SLC36A1: variants seen among roughly 807,000 people sequenced by gnomAD.
The protein encoded by SLC36A1 is proton-coupled amino acid transporter 1.
A neutral mutation model predicts 47.5 loss-of-function variants in SLC36A1; 30 were observed. The observed-to-expected ratio is 0.63, with a 90% CI of 0.47 to 0.86. The LOEUF (loss-of-function observed/expected upper bound fraction) is 0.86. SLC36A1 is among the 40% of genes least tolerant of loss of function. The pLI is 0.00. For synonymous variants in SLC36A1, 255 were observed against 249.7 expected, an observed-to-expected ratio of 1.02 and a Z score of -0.20; for missense variants, 517 against 606.0, an observed-to-expected ratio of 0.85 and a Z score of 1.54.
In SLC36A1 at chr5:151,488,929, G is replaced by A. The variant is rs2278373; in HGVS notation, c.*675G>A. The A allele has an allele frequency of 0.11, 16,562 of 152,212 alleles. 1,349 individuals are homozygous for A. Among genetic ancestry groups the A allele is most frequent in the East Asian group, 0.35 (1,791 of 5,172 alleles). The allele number at this position is 152,212 out of a possible 1,614,324, so 9.4% of individuals were successfully genotyped here. ...CTTTAGCTCTTAAAACATACGAAGT[G>A]TTGCCTAAACTGAAAATATTTATCT... On this transcript the variant is annotated 3_prime_UTR_variant, in exon 11 of 11. Transcript: ENST00000243389.
the SLC36A1 span, among the ~76,000 whole-genome samples, chr5:151,501,873 A>G: frequency 1.3e-5 from 2 of 148,234 alleles, no homozygotes; most frequent in Non-Finnish European, 2.9e-5. Context: ...AGTGGACCAT[A>G]GACCTAAATG....
the SLC36A1 span, among the ~76,000 whole-genome samples, chr5:151,409,495 T>C: frequency 1.3e-5 from 2 of 152,172 alleles, no homozygotes; most frequent in Non-Finnish European, 2.9e-5. Context: ...TCAACAGGCG[T>C]TTTGGTCTCC....
chr5:151,463,608 G>C lies in SLC36A1; in HGVS notation c.199G>C (p.Gly67Arg). The C allele has an allele frequency of 1.9e-6, 3 of 1,614,150 alleles. No individual in the cohort carries two copies. The highest frequency in any genetic ancestry group is 2.5e-6 in the Non-Finnish European group (3 of 1,180,034). ...AGGCAACATTGGCACAGGACTCCTG[G>C]GACTCCCTCTGGCGGTGAAAAATGC... ...LKGNIGTGLL[G>R]LPLAVKNAGI... The change falls in exon 3 of 11, where the codon GGA becomes CGA. Residue 67 changes from glycine (G) to arginine (R), a missense_variant. Transcript: ENST00000243389.
Position 151,488,293 on chromosome 5 carries a change from C to G in SLC36A1, c.*39C>G, listed in dbSNP as rs1364417163. ...TCTCTGCAGCTGCCTACCCCTGCCC[C>G]ATGTGTCCCCCGTTACCTGTCCTCA... On this transcript the variant is annotated 3_prime_UTR_variant, in exon 11 of 11. Coordinates refer to ENST00000243389, the MANE Select transcript of SLC36A1 (RefSeq NM_078483.4). The G allele has an allele frequency of 1.2e-6, 2 of 1,602,306 alleles. No homozygotes were observed. Among genetic ancestry groups the G allele is most frequent in the African/African-American group, 2.7e-5 (2 of 74,848 alleles).
chr5:151,448,813 A>T (rs189772027), intron 1 of SLC36A1, among the ~76,000 whole-genome samples: 1 of 152,146 alleles, frequency 6.6e-6, no homozygotes, highest in East Asian at 1.9e-4. Context: ...ACCTTAAGTG[A>T]CTCGCGTTTG....
At chr5:151,484,266 C>T (rs1759217588) in intron 10 of SLC36A1, among the ~76,000 whole-genome samples, 1 of 152,136 alleles carries the variant, frequency 6.6e-6, no homozygotes, top group African/African-American at 2.4e-5. Context: ...GACTCATTTT[C>T]TCTGATAATA....
chr5:151,447,924 T>C (rs987877491), intron 1 of SLC36A1, 111 bp downstream of exon 1: 2 of 152,210 alleles, frequency 1.3e-5, no homozygotes, highest in Non-Finnish European at 2.9e-5. Flanking sequence ...AGCGTGGAGA[T>C]CCCTTGTCCC....
chr5:151,428,933 G>A, the SLC36A1 span, among the ~76,000 whole-genome samples: 27 of 152,146 alleles, frequency 1.8e-4, no homozygotes, highest in Admixed American at 7.9e-4. Flanking sequence ...GCACCTGGCC[G>A]TCCGTCTGCT....
At chr5:151,534,667 G>T in the SLC36A1 span, 1 of 1,588,820 alleles carries the variant, frequency 6.3e-7, no homozygotes, top group East Asian at 2.3e-5. Flanking sequence ...GACAAAAGTT[G>T]AGCTTTCTCT....
the SLC36A1 span, among the ~76,000 whole-genome samples, chr5:151,400,643 T>C: frequency 6.6e-6 from 1 of 152,226 alleles, no homozygotes; most frequent in Admixed American, 6.5e-5. Context: ...AGTATCCCCT[T>C]TTCTCCACAG....
the SLC36A1 span, among the ~76,000 whole-genome samples, chr5:151,541,706 T>TA: frequency 3.3e-5 from 5 of 152,212 alleles, no homozygotes; most frequent in Non-Finnish European, 7.3e-5. Context: ...GAAAGCAGCT[T>TA]ATAGGGTAGG....
chr5:151,407,341 A>T, the SLC36A1 span, among the ~76,000 whole-genome samples: 10 of 152,210 alleles, frequency 6.6e-5, no homozygotes, highest in African/African-American at 2.4e-4. Flanking sequence ...CTAAACACAG[A>T]GCGCTGATTG....
chr5:151,417,330 G>T, the SLC36A1 span, among the ~76,000 whole-genome samples: 1 of 152,200 alleles, frequency 6.6e-6, no homozygotes, highest in East Asian at 1.9e-4. Context: ...TGACAGTGAT[G>T]TGGACGATGA....
chr5:151,522,735 C>T, the SLC36A1 span, among the ~76,000 whole-genome samples: 16 of 152,224 alleles, frequency 1.1e-4, no homozygotes, highest in South Asian at 2.1e-3. Context: ...GAAGAAGAGG[C>T]GACAGACAGA....
At position 151,492,253 on chromosome 5, in the gene SLC36A1, A is replaced by G. The variant is rs1760185324; in HGVS notation, c.*3999A>G. 2.6e-5 allele frequency: 4 copies of G among 152,332 alleles called. No individual in the cohort carries two copies. The highest frequency in any genetic ancestry group is 6.5e-5 in the Admixed American group (1 of 15,308). 9.4% of individuals were successfully genotyped at this position (152,332 alleles called of 1,614,324 possible). On this transcript the variant is annotated 3_prime_UTR_variant, in exon 11 of 11. Coordinates refer to ENST00000243389, the MANE Select transcript of SLC36A1 (RefSeq NM_078483.4). ...ATGTTACGTGCCTGTGTGGATGTGC[A>G]CTTCCAGCATGGTATGTGTAGCGAT...
the SLC36A1 span, among the ~76,000 whole-genome samples, chr5:151,369,069 T>C: frequency 2.0e-5 from 3 of 152,218 alleles, no homozygotes; most frequent in African/African-American, 7.2e-5. Flanking sequence ...GAAGAGTGAC[T>C]GATCTTACTG....
the SLC36A1 span, among the ~76,000 whole-genome samples, chr5:151,539,686 C>T: frequency 6.6e-6 from 1 of 152,114 alleles, no homozygotes; most frequent in Admixed American, 6.5e-5. Flanking sequence ...TGTAAATCCT[C>T]CCAAAGTTAA....
the SLC36A1 span, among the ~76,000 whole-genome samples, chr5:151,365,593 G>A: frequency 6.6e-6 from 1 of 152,292 alleles, no homozygotes; most frequent in East Asian, 1.9e-4. Flanking sequence ...GGAAACTGAG[G>A]CTCAGAGAGG....
chr5:151,379,575 G>C, the SLC36A1 span, among the ~76,000 whole-genome samples: 1 of 152,052 alleles, frequency 6.6e-6, no homozygotes, highest in Admixed American at 6.6e-5. Context: ...TTGGTGATCT[G>C]CCCGCCTCGG....
Sources: allele counts gnomAD v4.1 joint callset (sites outside exome capture counted in the v4.1 genomes callset), GRCh38; gene constraint gnomAD v4.1.1; transcripts MANE v1.5; gene names NCBI Gene and HGNC (gene_info 2026-07-23, HGNC 2026-07-21).